Variants in NCAM1 observed in about 807,000 individuals in gnomAD.
NCAM1 encodes the protein neural cell adhesion molecule 1, also known as antigen recognized by monoclonal antibody 5.1H11.
In NCAM1, 14 loss-of-function variants were observed where a neutral mutation model predicts 109.8. The ratio of observed to expected loss-of-function variants is 0.13; its 90% CI spans 0.08 to 0.20. The LOEUF (loss-of-function observed/expected upper bound fraction) is 0.20. Among genes scored for constraint, NCAM1 ranks in the 10% least tolerant of loss-of-function variants. The pLI, the probability that NCAM1 is intolerant of heterozygous loss-of-function variation, is 1.00. For missense variants in NCAM1, 774 were observed against 1,109.9 expected (o/e 0.70, Z 4.30); for synonymous variants, 418 against 442.9 (o/e 0.94, Z 0.70).
At chr11:113,212,837 C>A (rs1018379228) in intron 7 of NCAM1, among the ~76,000 whole-genome samples, 2 of 152,126 alleles carry the variant, frequency 1.3e-5, no homozygotes, top group African/African-American at 4.8e-5. Context: ...TCTCAAAAAT[C>A]GTACTTATTA....
At chr11:113,133,478 T>A (rs1555098781) in intron 1 of NCAM1, 1 of 152,240 alleles carries the variant, frequency 6.6e-6, no homozygotes, top group African/African-American at 2.4e-5. Context: ...ATTAACATGC[T>A]GAAACAGCAC....
intron 16 of NCAM1, 31 bp from the exon 17 acceptor site, chr11:113,260,115 T>A: frequency 6.3e-7 from 1 of 1,590,436 alleles, no homozygotes; most frequent in Non-Finnish European, 8.5e-7. Flanking sequence ...TTTTGGTCTC[T>A]TGTATCCTTC....
In NCAM1 at chr11:113,275,467, C is replaced by G; in HGVS notation, c.*80C>G. On this transcript the variant is annotated 3_prime_UTR_variant, in exon 20 of 20. Coordinates refer to ENST00000316851, the MANE Select transcript of NCAM1 (RefSeq NM_181351.5). ...CAGAGCATTTCCAACACCACAGACA[C>G]ACACACGCACGCACACACACAAACA... 1 of 1,513,164 alleles carries G rather than the reference C, an allele frequency of 6.6e-7. No individual in the cohort carries two copies. Among genetic ancestry groups the G allele is most frequent in the Non-Finnish European group, 9.0e-7 (1 of 1,112,926 alleles). The allele number at this position is 1,513,164 out of a possible 1,614,324, so 93.7% of individuals were successfully genotyped here. A position where few individuals can be genotyped will look rare whatever the true frequency, so the allele number is the denominator to read the frequency against.
intron 15 of NCAM1, among the ~76,000 whole-genome samples, chr11:113,248,228 CAAAAAA>C (rs34946502): frequency 1.5e-5 from 2 of 130,090 alleles, no homozygotes; most frequent in African/African-American, 6.0e-5. Flanking sequence ...TGGCCGGTAC[CAAAAAA>C]AAAAAAAAAA....
chr11:113,125,083 G>C (rs557578345), intron 1 of NCAM1, among the ~76,000 whole-genome samples: 2 of 152,104 alleles, frequency 1.3e-5, no homozygotes, highest in Non-Finnish European at 2.9e-5. Flanking sequence ...TTATAAAATC[G>C]TAAGTAATAT....
rs550812190 is a variant in NCAM1 at position 112,974,556 on chromosome 11, G to A, written c.52+12892G>A. ...GAATCCAAAATTTTGCAGCAGGCAC[G>A]GTATAAGTCCAACTACTATTTTTCT... On this transcript the variant is annotated intron_variant, in intron 1 of 19. Transcript: ENST00000316851. 3.9e-4 allele frequency among the ~76,000 whole-genome samples: 60 copies of A among 152,066 alleles called. 1 individual carries two copies. Among genetic ancestry groups the A allele is most frequent in the East Asian group, 9.7e-4 (5 of 5,144 alleles).
In NCAM1 at chr11:113,104,538, T is replaced by A. The variant is rs561793063; in HGVS notation, c.53-97841T>A. On this transcript the variant is annotated intron_variant, in intron 1 of 19. Coordinates refer to ENST00000316851, the MANE Select transcript of NCAM1 (RefSeq NM_181351.5). ...TTGTGAAAAGACAACCAGGATTGAC[T>A]GCAGTGTTATTGGGCTCTGGCTGCC... is the stretch of plus-strand genomic sequence containing the variant. Among the ~76,000 whole-genome samples the A allele has an allele frequency of 1.1e-3, 167 of 152,300 alleles. 1 individual carries two copies. The highest frequency in any genetic ancestry group is 8.9e-3 in the South Asian group (43 of 4,828).
chr11:113,027,778 G>A (rs1952595643), intron 1 of NCAM1, among the ~76,000 whole-genome samples: 1 of 152,176 alleles, frequency 6.6e-6, no homozygotes, highest in Non-Finnish European at 1.5e-5. Flanking sequence ...CTAAGAAGGA[G>A]TTTCTTTAAT....
chr11:113,119,370 G>A (rs1940849522), intron 1 of NCAM1, among the ~76,000 whole-genome samples: 1 of 152,184 alleles, frequency 6.6e-6, no homozygotes, highest in Admixed American at 6.5e-5. Flanking sequence ...CTTGGCCAAA[G>A]GGATAGAGGT....
chr11:113,147,632 T>A (rs1942066307), intron 1 of NCAM1, among the ~76,000 whole-genome samples: 1 of 152,236 alleles, frequency 6.6e-6, no homozygotes, highest in Admixed American at 6.5e-5. Flanking sequence ...TCCCGTAGTT[T>A]CTGAACAACC....
intron 1 of NCAM1, among the ~76,000 whole-genome samples, chr11:113,174,068 G>C (rs1052636198): frequency 6.6e-6 from 1 of 152,166 alleles, no homozygotes; most frequent in African/African-American, 2.4e-5. Flanking sequence ...GCTTTAACTA[G>C]ACAATAGATT....
At chr11:113,025,018 A>G (rs1555076929) in intron 1 of NCAM1, among the ~76,000 whole-genome samples, 1 of 152,268 alleles carries the variant, frequency 6.6e-6, no homozygotes, top group African/African-American at 2.4e-5. Context: ...CATTGGAAGT[A>G]AATGGCTAAC....
intron 1 of NCAM1, among the ~76,000 whole-genome samples, chr11:113,030,747 C>T (rs1341779774): frequency 1.3e-5 from 2 of 152,102 alleles, no homozygotes; most frequent in Non-Finnish European, 2.9e-5. Flanking sequence ...TTTGTACTTC[C>T]TGTTGCAAAA....
intron 1 of NCAM1, among the ~76,000 whole-genome samples, chr11:112,990,976 G>A (rs527340953): frequency 3.9e-5 from 6 of 152,142 alleles, no homozygotes; most frequent in Non-Finnish European, 8.8e-5. Context: ...TTGCTGTAGA[G>A]GGCTCTCAAA....
chr11:113,259,441 A>C (rs916551485), intron 16 of NCAM1, among the ~76,000 whole-genome samples: 1 of 152,204 alleles, frequency 6.6e-6, no homozygotes, highest in Non-Finnish European at 1.5e-5. Flanking sequence ...AGCATCCTGA[A>C]ATATGACAAG....
chr11:113,042,548 A>T (rs1325513070), intron 1 of NCAM1, among the ~76,000 whole-genome samples: 3 of 151,460 alleles, frequency 2.0e-5, no homozygotes, highest in African/African-American at 7.3e-5. Flanking sequence ...GTCCTCATTG[A>T]CTCCTGAGCC....
At chr11:113,113,959 A>G (rs1555094309) in intron 1 of NCAM1, among the ~76,000 whole-genome samples, 1 of 152,198 alleles carries the variant, frequency 6.6e-6, no homozygotes, top group Non-Finnish European at 1.5e-5. Flanking sequence ...TCCAGTTGAC[A>G]TGCTGAGGGA....
chr11:113,214,300 G>T, intron 7 of NCAM1, 69 bp from the exon 8 acceptor site: 1 of 1,531,034 alleles, frequency 6.5e-7, no homozygotes, highest in Non-Finnish European at 9.0e-7. Context: ...TTGGATAGGT[G>T]CATGCCATCA....
intron 18 of NCAM1, 59 bp downstream of exon 18, chr11:113,270,454 A>G: frequency 6.6e-7 from 1 of 1,526,254 alleles, no homozygotes; most frequent in Non-Finnish European, 9.1e-7. Context: ...CCAGGGACCC[A>G]GCAGCTGCAC....
Sources: allele counts gnomAD v4.1 joint callset (sites outside exome capture counted in the v4.1 genomes callset), GRCh38; gene constraint gnomAD v4.1.1; transcripts MANE v1.5; gene names NCBI Gene and HGNC (gene_info 2026-07-23, HGNC 2026-07-21).